Variants in JAKMIP2 observed in about 807,000 individuals in gnomAD.
JAKMIP2 encodes janus kinase and microtubule-interacting protein 2.
A neutral mutation model predicts 115.0 loss-of-function variants in JAKMIP2; 25 were observed. The ratio of observed to expected loss-of-function variants is 0.22; its 90% CI spans 0.16 to 0.30. JAKMIP2 has a LOEUF of 0.30. JAKMIP2 is among the 10% of genes least tolerant of loss of function. The pLI, the probability that JAKMIP2 is intolerant of heterozygous loss-of-function variation, is 1.00. For missense variants in JAKMIP2, 642 were observed against 957.6 expected (o/e 0.67, Z 4.35); for synonymous variants, 334 against 343.6 (o/e 0.97, Z 0.31).
At chr5:147,719,247 TGAGGA>T (rs1055983117) in intron 1 of JAKMIP2, among the ~76,000 whole-genome samples, 1 of 132,546 alleles carries the variant, frequency 7.5e-6, no homozygotes. Flanking sequence ...TTACATTTGC[TGAGGA>T]GAGCTTTACT....
intron 14 of JAKMIP2, 134 bp from the exon 15 acceptor site, chr5:147,629,880 T>C (rs908859260): frequency 1.6e-6 from 1 of 642,592 alleles, no homozygotes; most frequent in African/African-American, 1.8e-5. Context: ...GCACACCTAG[T>C]TTTAAGTTTC....
rs556188170 is a variant in JAKMIP2, at chr5:147,740,331, C to T, written c.-149+42125G>A. On this transcript the variant is annotated intron_variant, in intron 1 of 21. Transcript: ENST00000616793. The stretch of plus-strand genomic sequence containing the variant: ...TAAAGAAGAAATTGGGGACTGATTG[C>T]CATTACATACCTAACAAAAATCTAT... Among the ~76,000 whole-genome samples the T allele has an allele frequency of 8.5e-5, 13 of 152,294 alleles. No homozygotes were observed. In the East Asian group the frequency reaches 2.5e-3, roughly 29 times the overall value.
chr5:147,638,258 C>T (rs772743035), intron 10 of JAKMIP2, among the ~76,000 whole-genome samples: 3 of 151,700 alleles, frequency 2.0e-5, no homozygotes, highest in Admixed American at 1.3e-4. Flanking sequence ...GTAAGTTTTC[C>T]TGACTTTAAT....
At chr5:147,761,803 T>C (rs1754938392) in intron 1 of JAKMIP2, among the ~76,000 whole-genome samples, 1 of 152,072 alleles carries the variant, frequency 6.6e-6, no homozygotes, top group African/African-American at 2.4e-5. Context: ...AATGGAACTT[T>C]TAGTCATGGG....
Position 147,614,315 on chromosome 5 carries a change from A to C in JAKMIP2, c.2347-1944T>G, listed in dbSNP as rs558862187. Among the ~76,000 whole-genome samples, 7 of 152,320 alleles carry C rather than the reference A, an allele frequency of 4.6e-5. No individual in the cohort carries two copies. In the South Asian group the frequency reaches 1.4e-3, roughly 32 times the overall value. On this transcript the variant is annotated intron_variant, in intron 19 of 21. Transcript: ENST00000616793. ...CTGAATAACTTTGTCACCCATCTCC[A>C]ATTCCTAGTGCAGTGTTAAGCATGG...
At chr5:147,597,897 G>A (rs1755477181) in intron 21 of JAKMIP2, among the ~76,000 whole-genome samples, 1 of 152,202 alleles carries the variant, frequency 6.6e-6, no homozygotes, top group African/African-American at 2.4e-5. Context: ...TTTGGACTCT[G>A]GGACTTGCAC....
At chr5:147,601,053 C>T (rs894809936) in intron 21 of JAKMIP2, among the ~76,000 whole-genome samples, 5 of 152,210 alleles carry the variant, frequency 3.3e-5, no homozygotes, top group South Asian at 2.1e-4. Flanking sequence ...CTAAAGATAA[C>T]GTCATTATTT....
intron 1 of JAKMIP2, among the ~76,000 whole-genome samples, chr5:147,702,349 G>A (rs1236294833): frequency 6.7e-6 from 1 of 150,078 alleles, no homozygotes; most frequent in African/African-American, 2.5e-5. Flanking sequence ...TGAGTACAAT[G>A]TACATTGCTT....
chr5:147,632,669 C>A lies in JAKMIP2; in HGVS notation c.1776+11G>T. Reference sequence around the variant, plus strand: ...CGATTATTTTTATTATTATCATCATCATTTCCTTACTTCTAGCTCTAGGTT... The same window carrying A: ...CGATTATTTTTATTATTATCATCATAATTTCCTTACTTCTAGCTCTAGGTT... On this transcript the variant is annotated intron_variant, in intron 13 of 21. Transcript: ENST00000616793. The A allele has an allele frequency of 1.3e-6, 2 of 1,502,014 alleles. No individual in the cohort carries two copies. Among genetic ancestry groups the A allele is most frequent in the South Asian group, 2.3e-5 (2 of 87,434 alleles). 93.0% of individuals were successfully genotyped at this position (1,502,014 alleles called of 1,614,324 possible).
intron 2 of JAKMIP2, among the ~76,000 whole-genome samples, chr5:147,663,319 T>A (rs912369156): frequency 6.6e-5 from 10 of 152,186 alleles, no homozygotes; most frequent in African/African-American, 2.4e-4. Flanking sequence ...ACCATCAGTC[T>A]AGGTGGGCAC....
intron 18 of JAKMIP2, among the ~76,000 whole-genome samples, chr5:147,619,505 G>C (rs1378143421): frequency 6.6e-6 from 1 of 151,776 alleles, no homozygotes; most frequent in East Asian, 1.9e-4. Context: ...AGTGACTCAA[G>C]CTGCTTCCAG....
chr5:147,779,323 T>C (rs1204711623), intron 1 of JAKMIP2, among the ~76,000 whole-genome samples: 1 of 152,108 alleles, frequency 6.6e-6, no homozygotes, highest in Non-Finnish European at 1.5e-5. Flanking sequence ...TATTCTAACA[T>C]GAATGACATT....
rs998050597 is a variant in JAKMIP2, at chr5:147,640,761, G to A, written c.1344C>T (p.Ser448=). 1.9e-6 allele frequency: 3 copies of A among 1,613,388 alleles called. No homozygotes were observed. The highest frequency in any genetic ancestry group is 1.7e-6 in the Non-Finnish European group (2 of 1,179,608). The change falls in exon 9 of 22, where the codon TCC becomes TCT. Residue 448 remains serine, a synonymous_variant. Transcript: ENST00000616793. ...DEDSMDSETS[S]MASFRTDRTP... ...TTCTGTCTGTTCTAAATGAGGCCATGGATGATGTCTCTGAATCCATAGAGT... is the reference window on the plus strand; with the variant it reads ...TTCTGTCTGTTCTAAATGAGGCCATAGATGATGTCTCTGAATCCATAGAGT...
At chr5:147,752,105 T>C (rs1158799695) in intron 1 of JAKMIP2, among the ~76,000 whole-genome samples, 1 of 152,186 alleles carries the variant, frequency 6.6e-6, no homozygotes, top group Admixed American at 6.5e-5. Context: ...GGAATGAGTC[T>C]GCATTGGGAT....
At chr5:147,682,862 C>G (rs540327405) in intron 1 of JAKMIP2, among the ~76,000 whole-genome samples, 17 of 152,306 alleles carry the variant, frequency 1.1e-4, no homozygotes, top group African/African-American at 4.1e-4. Flanking sequence ...TTGCCTCCAT[C>G]CATCATAGTA....
At chr5:147,672,023 C>G in intron 1 of JAKMIP2, 69 bp from the exon 2 acceptor site, 1 of 1,130,106 alleles carries the variant, frequency 8.8e-7, no homozygotes, top group Admixed American at 4.6e-5. Context: ...TCAGTCTACT[C>G]TCAGCCTGAG....
intron 1 of JAKMIP2, among the ~76,000 whole-genome samples, chr5:147,706,723 A>G (rs950775713): frequency 1.3e-5 from 2 of 152,186 alleles, no homozygotes; most frequent in South Asian, 4.1e-4. Context: ...CATGCTCTTC[A>G]GAGCATTTTG....
intron 1 of JAKMIP2, among the ~76,000 whole-genome samples, chr5:147,718,578 G>A (rs1290503930): frequency 6.6e-6 from 1 of 151,326 alleles, no homozygotes; most frequent in African/African-American, 2.4e-5. Flanking sequence ...AGTCTTGGGA[G>A]AGTGTATGTG....
intron 21 of JAKMIP2, among the ~76,000 whole-genome samples, chr5:147,599,537 A>G (rs957127725): frequency 4.6e-5 from 7 of 152,220 alleles, no homozygotes; most frequent in African/African-American, 1.4e-4. Flanking sequence ...ACTAAGTGTC[A>G]TTTATGTGCT....
Sources: gnomAD v4.1 joint callset for allele counts (sites outside exome capture counted in the v4.1 genomes callset) on GRCh38, gnomAD v4.1.1 for gene constraint, MANE v1.5 for transcripts, NCBI Gene and HGNC (gene_info 2026-07-23, HGNC 2026-07-21) for gene names.